Variants in CLIC6 observed in about 807,000 individuals in gnomAD.
The protein encoded by CLIC6 is CLIC family member 6, also known as chloride intracellular channel protein 6.
A neutral mutation model predicts 49.2 loss-of-function variants in CLIC6; 39 were observed. The observed-to-expected ratio is 0.79, with a 90% CI of 0.61 to 1.04. The LOEUF is 1.04. Ranked by LOEUF, CLIC6 falls within the 50% of genes least tolerant of loss-of-function variation. The pLI, the probability that CLIC6 is intolerant of heterozygous loss-of-function variation, is 0.00. For synonymous variants in CLIC6, 446 were observed against 433.4 expected, an observed-to-expected ratio of 1.03 and a Z score of -0.36; for missense variants, 988 against 993.1, an observed-to-expected ratio of 0.99 and a Z score of 0.07.
intron 1 of CLIC6, among the ~76,000 whole-genome samples, chr21:34,703,163 G>A (rs1229742871): frequency 6.6e-6 from 1 of 152,156 alleles, no homozygotes; most frequent in Admixed American, 6.5e-5. Context: ...CTCCTCGGTT[G>A]AAAGCCAGTT....
At chr21:34,710,454 A>T (rs1450358667) in intron 5 of CLIC6, among the ~76,000 whole-genome samples, 2 of 152,146 alleles carry the variant, frequency 1.3e-5, no homozygotes, top group African/African-American at 2.4e-5. Flanking sequence ...GGGCTTAAAG[A>T]CCTGCCAGAC....
intron 1 of CLIC6, among the ~76,000 whole-genome samples, chr21:34,706,490 C>T (rs1033505003): frequency 6.6e-6 from 1 of 152,164 alleles, no homozygotes; most frequent in South Asian, 2.1e-4. Flanking sequence ...AGTACCCAAA[C>T]CTTAAGACTT....
intron 1 of CLIC6, among the ~76,000 whole-genome samples, chr21:34,687,946 A>G (rs546385198): frequency 1.3e-5 from 2 of 152,338 alleles, no homozygotes; most frequent in East Asian, 3.9e-4. Context: ...AATTTTACTG[A>G]TAATTACAGA....
chr21:34,671,612 G>A (rs1359107365), intron 1 of CLIC6, among the ~76,000 whole-genome samples: 1 of 152,186 alleles, frequency 6.6e-6, no homozygotes, highest in Admixed American at 6.5e-5. Flanking sequence ...CAGGATCTTT[G>A]TTTAAAAAGC....
intron 1 of CLIC6, among the ~76,000 whole-genome samples, chr21:34,678,421 G>T (rs1266297637): frequency 2.7e-5 from 4 of 150,314 alleles, no homozygotes; most frequent in Non-Finnish European, 5.9e-5. Flanking sequence ...GCAAGAGAGA[G>T]ACTCCATCTA....
intron 3 of CLIC6, 32 bp from the exon 4 acceptor site, chr21:34,708,668 G>A: frequency 4.2e-6 from 6 of 1,427,940 alleles, no homozygotes; most frequent in Non-Finnish European, 4.9e-6. Context: ...AACATCACTT[G>A]TCTGTGATCC....
intron 1 of CLIC6, among the ~76,000 whole-genome samples, chr21:34,694,940 C>T (rs1990065114): frequency 6.6e-6 from 1 of 152,224 alleles, no homozygotes; most frequent in Admixed American, 6.5e-5. Flanking sequence ...AGTAGTTGAC[C>T]TGCTGAACTG....
intron 1 of CLIC6, among the ~76,000 whole-genome samples, chr21:34,687,291 A>C (rs1354289895): frequency 6.6e-6 from 1 of 152,160 alleles, no homozygotes; most frequent in Non-Finnish European, 1.5e-5. Flanking sequence ...CTACTCTGTC[A>C]TTCAAGAACC....
At chr21:34,673,898 A>G (rs2145795957) in intron 1 of CLIC6, among the ~76,000 whole-genome samples, 1 of 152,218 alleles carries the variant, frequency 6.6e-6, no homozygotes, top group East Asian at 1.9e-4. Flanking sequence ...GTTCTATTCT[A>G]CAGTGGACAC....
rs569509728 is a variant in CLIC6, at chr21:34,700,223, G to A, written c.1375-7057G>A. 3.3e-5 allele frequency among the ~76,000 whole-genome samples: 5 copies of A among 151,732 alleles called. 1 individual carries two copies. Among genetic ancestry groups the A allele is most frequent in the African/African-American group, 1.2e-4 (5 of 41,264 alleles). On this transcript the variant is annotated intron_variant, in intron 1 of 5. Coordinates refer to ENST00000349499, the MANE Select transcript of CLIC6 (RefSeq NM_053277.3). ...AAGAAATGATTTGGCCGAGGAGGGC[G>A]GATCACGAGGTCAGGAGATAGAGAC...
chr21:34,689,339 G>A (rs1018590443), intron 1 of CLIC6, among the ~76,000 whole-genome samples: 2 of 152,204 alleles, frequency 1.3e-5, no homozygotes, highest in African/African-American at 4.8e-5. Flanking sequence ...TGACATTGGA[G>A]AAGCCCAGGT....
At chr21:34,673,207 T>A (rs75860593) in intron 1 of CLIC6, among the ~76,000 whole-genome samples, 144 of 152,222 alleles carry the variant, frequency 9.5e-4, no homozygotes, top group Non-Finnish European at 1.8e-3. Flanking sequence ...TTTATTCTGA[T>A]GATTGATCTG....
At chr21:34,695,554 G>T (rs1160755157) in intron 1 of CLIC6, among the ~76,000 whole-genome samples, 1 of 152,220 alleles carries the variant, frequency 6.6e-6, no homozygotes, top group East Asian at 1.9e-4. Flanking sequence ...CCAGGCCATG[G>T]CCAGAGAGAG....
rs565122427 is a variant in CLIC6 at position 34,670,637 on chromosome 21, C to G, written c.1249C>G (p.Leu417Val). ...AEPEAQLSNH[L>V]AEEGPAEGSG... ...GCCTGAGGCCCAGCTCAGCAACCAC[C>G]TGGCCGAGGAGGGCCCCGCCGAGGG... The change falls in exon 1 of 6, where the codon CTG (leucine) becomes GTG (valine). Residue 417 changes from leucine to valine, a missense_variant. Around this residue, in one of 3 missense-constraint regions of CLIC6, gnomAD observed 647 missense variants for 596.9 expected, o/e 1.08. Coordinates refer to ENST00000349499, the MANE Select transcript of CLIC6 (RefSeq NM_053277.3). The G allele has an allele frequency of 2.3e-5, 36 of 1,554,256 alleles. No individual in the cohort carries two copies. The East Asian group carries it at 8.4e-4, about 36-fold the overall frequency.
chr21:34,701,414 G>A (rs993650227), intron 1 of CLIC6, among the ~76,000 whole-genome samples: 2 of 151,652 alleles, frequency 1.3e-5, no homozygotes, highest in Non-Finnish European at 2.9e-5. Flanking sequence ...CCTGCACTCC[G>A]TAATTGTCTG....
Position 34,669,508 on chromosome 21 carries a change from G to C in CLIC6, c.120G>C (p.Gly40=), listed in dbSNP as rs540673400. ...EPGAAGGEAE[G]PEGSEGAEEA... is the part of the protein sequence containing the mutation. ...GAGCCGCGGGCGGGGAGGCAGAAGGGCCGGAGGGGAGCGAGGGCGCAGAGG... is the reference window on the plus strand; with the variant it reads ...GAGCCGCGGGCGGGGAGGCAGAAGGCCCGGAGGGGAGCGAGGGCGCAGAGG... The change falls in exon 1 of 6, where the codon GGG becomes GGC. Residue 40 remains glycine (G), a synonymous_variant. Transcript: ENST00000349499. 2.5e-4 allele frequency: 314 copies of C among 1,241,302 alleles called. 1 individual carries two copies. In the African/African-American group the frequency reaches 4.3e-3, roughly 17 times the overall value. 76.9% of individuals were successfully genotyped at this position (1,241,302 alleles called of 1,614,324 possible).
Position 34,693,975 on chromosome 21 carries a change from CT to C in CLIC6, c.1375-13288del, listed in dbSNP as rs71196904. The stretch of plus-strand genomic sequence containing the variant: ...TTGTTGTTGTTGTTGTTGTTGTTTT[CT>C]TTTTTTTTTTTTTTTTGACGGAGTC... On this transcript the variant is annotated intron_variant, in intron 1 of 5. Coordinates refer to ENST00000349499, the MANE Select transcript of CLIC6 (RefSeq NM_053277.3). Among the ~76,000 whole-genome samples the C allele has an allele frequency of 8.7e-3, 1,081 of 124,610 alleles. 14 individuals are homozygous for C. The highest frequency in any genetic ancestry group is 0.027 in the African/African-American group (878 of 31,950). 81.7% of individuals were successfully genotyped at this position (124,610 alleles called of 152,430 possible). A position where few individuals can be genotyped will look rare whatever the true frequency, so the allele number is the denominator to read the frequency against.
At chr21:34,692,831 A>G (rs915320467) in intron 1 of CLIC6, among the ~76,000 whole-genome samples, 2 of 152,202 alleles carry the variant, frequency 1.3e-5, no homozygotes, top group Admixed American at 1.3e-4. Flanking sequence ...GTGCATTTCT[A>G]AAGAACTTTG....
intron 5 of CLIC6, among the ~76,000 whole-genome samples, chr21:34,710,736 C>T (rs1375167464): frequency 6.6e-6 from 1 of 152,102 alleles, no homozygotes; most frequent in African/African-American, 2.4e-5. Flanking sequence ...TCGCTTGAAC[C>T]CGGGAGGCAG....
Sources: gnomAD v4.1 joint callset for allele counts (sites outside exome capture counted in the v4.1 genomes callset) on GRCh38, gnomAD v4.1.1 for gene constraint, gnomAD v4.1.1 regional missense constraint, MANE v1.5 for transcripts, NCBI Gene and HGNC (gene_info 2026-07-23, HGNC 2026-07-21) for gene names.